Variants in NEGR1 observed in about 807,000 individuals in gnomAD.
The protein encoded by NEGR1 is neuronal growth regulator 1.
NEGR1 carries 10 observed loss-of-function variants against 40.9 expected under a neutral mutation model. That is an observed-to-expected ratio of 0.24 (90% confidence interval 0.15 to 0.42). The LOEUF (loss-of-function observed/expected upper bound fraction) is 0.42. Ranked by LOEUF, NEGR1 falls within the 10% of genes least tolerant of loss-of-function variation. The pLI is 1.00. For missense variants in NEGR1, 352 were observed against 438.9 expected (o/e 0.80, Z 1.77); for synonymous variants, 185 against 166.8 (o/e 1.11, Z -0.84).
chr1:72,221,678 A>T (rs1654015423), intron 1 of NEGR1, among the ~76,000 whole-genome samples: 1 of 152,150 alleles, frequency 6.6e-6, no homozygotes, highest in Non-Finnish European at 1.5e-5. Context: ...TTAGTTGACT[A>T]AAATCCTCAA....
At chr1:71,748,490 A>G (rs1655459318) in intron 3 of NEGR1, among the ~76,000 whole-genome samples, 2 of 152,184 alleles carry the variant, frequency 1.3e-5, no homozygotes, top group African/African-American at 4.8e-5. Flanking sequence ...CAGTTTCCAA[A>G]TAAAGGGAGA....
At chr1:71,855,698 A>G (rs1659737594) in intron 2 of NEGR1, among the ~76,000 whole-genome samples, 1 of 151,340 alleles carries the variant, frequency 6.6e-6, no homozygotes, top group Non-Finnish European at 1.5e-5. Context: ...AATTTTCATT[A>G]CACTTTTCTT....
chr1:71,626,392 T>A (rs1238217662), intron 4 of NEGR1, among the ~76,000 whole-genome samples: 1 of 126,428 alleles, frequency 7.9e-6, no homozygotes, highest in African/African-American at 3.0e-5. Context: ...CCCCGGTGTG[T>A]GATGTTCCCC....
intron 6 of NEGR1, among the ~76,000 whole-genome samples, chr1:71,409,697 T>C (rs1424426388): frequency 6.6e-6 from 1 of 152,102 alleles, no homozygotes; most frequent in African/African-American, 2.4e-5. Context: ...AGGTCATTTC[T>C]TATTCATCTT....
rs371037145 is a variant in NEGR1, at chr1:72,140,645, T to A, written c.176+141674A>T. ...AAACCATGCAAAGTAGTATGAGCAA[T>A]ATAAAAATTTTTTCTTTAGTCAGTT... On this transcript the variant is annotated intron_variant, in intron 1 of 6. Coordinates refer to ENST00000357731, the MANE Select transcript of NEGR1 (RefSeq NM_173808.3). 2.7e-4 allele frequency among the ~76,000 whole-genome samples: 41 copies of A among 152,142 alleles called. No homozygotes were observed. In the South Asian group the frequency reaches 7.5e-3, roughly 28 times the overall value.
intron 6 of NEGR1, among the ~76,000 whole-genome samples, chr1:71,441,805 A>G (rs924485738): frequency 6.6e-6 from 1 of 152,216 alleles, no homozygotes; most frequent in Admixed American, 6.5e-5. Flanking sequence ...TATCAAGAAC[A>G]CTACATGGAC....
intron 1 of NEGR1, among the ~76,000 whole-genome samples, chr1:72,077,642 A>AAATG (rs1036525628): frequency 6.6e-6 from 1 of 150,792 alleles, no homozygotes; most frequent in African/African-American, 2.4e-5. Context: ...ATAAATAAAT[A>AAATG]AATAAATAAA....
chr1:72,006,679 T>C (rs1034135826), intron 1 of NEGR1, among the ~76,000 whole-genome samples: 1 of 150,756 alleles, frequency 6.6e-6, no homozygotes, highest in Non-Finnish European at 1.5e-5. Context: ...AAAGTTCCGC[T>C]AAAAATAAGA....
At chr1:71,567,720 C>A (rs769256725) in intron 6 of NEGR1, among the ~76,000 whole-genome samples, 3 of 152,108 alleles carry the variant, frequency 2.0e-5, no homozygotes, top group Non-Finnish European at 4.4e-5. Flanking sequence ...TTGTGTCCCC[C>A]CTCCGCCTCA....
chr1:72,066,197 G>A (rs998943487), intron 1 of NEGR1, among the ~76,000 whole-genome samples: 2 of 152,058 alleles, frequency 1.3e-5, no homozygotes, highest in South Asian at 2.1e-4. Context: ...CTGAGGCATC[G>A]GAAGGTTGAG....
intron 6 of NEGR1, among the ~76,000 whole-genome samples, chr1:71,488,655 G>A (rs973788201): frequency 6.6e-6 from 1 of 151,502 alleles, no homozygotes; most frequent in Non-Finnish European, 1.5e-5. Context: ...AAATATCCTT[G>A]TCACCATGTA....
intron 1 of NEGR1, among the ~76,000 whole-genome samples, chr1:72,064,761 C>G (rs1569902760): frequency 1.3e-5 from 2 of 152,134 alleles, no homozygotes; most frequent in East Asian, 3.9e-4. Context: ...TTAAATTGTT[C>G]TTTCAGCATG....
chr1:71,802,340 C>T (rs1657592628), intron 2 of NEGR1, among the ~76,000 whole-genome samples: 2 of 152,020 alleles, frequency 1.3e-5, no homozygotes, highest in Non-Finnish European at 2.9e-5. Flanking sequence ...AAAGAGATTG[C>T]CCATGGATTT....
chr1:71,725,350 A>G (rs1654635760), intron 3 of NEGR1, among the ~76,000 whole-genome samples: 1 of 151,974 alleles, frequency 6.6e-6, no homozygotes, highest in East Asian at 1.9e-4. Context: ...GGAAAATTTT[A>G]TTGTTATAGA....
chr1:71,669,801 C>T (rs1652358928), intron 4 of NEGR1, among the ~76,000 whole-genome samples: 2 of 152,100 alleles, frequency 1.3e-5, no homozygotes, highest in South Asian at 4.2e-4. Context: ...CAGGCATGTG[C>T]CGCCATGCTC....
chr1:71,593,003 T>C lies in NEGR1; in HGVS notation c.789-35A>G, dbSNP rs151308512. 5.3e-6 allele frequency: 8 copies of C among 1,505,504 alleles called. No homozygotes were observed. In the East Asian group the frequency reaches 1.4e-4, roughly 26 times the overall value. The allele number at this position is 1,505,504 out of a possible 1,614,324, so 93.3% of individuals were successfully genotyped here. On this transcript the variant is annotated intron_variant, in intron 5 of 6. Coordinates refer to ENST00000357731, the MANE Select transcript of NEGR1 (RefSeq NM_173808.3). The stretch of plus-strand genomic sequence containing the variant: ...AAAATAAGCTCTAGGTAAATATGTA[T>C]TGTGAATACCAGTTTCATTTTTTTA...
chr1:71,968,496 A>G (rs1646229543), intron 1 of NEGR1, among the ~76,000 whole-genome samples: 1 of 152,202 alleles, frequency 6.6e-6, no homozygotes, highest in South Asian at 2.1e-4. Flanking sequence ...CAAAACACAT[A>G]AAAATCCTGT....
chr1:72,158,126 G>A (rs1390887378), intron 1 of NEGR1, among the ~76,000 whole-genome samples: 1 of 152,154 alleles, frequency 6.6e-6, no homozygotes, highest in Non-Finnish European at 1.5e-5. Flanking sequence ...CAGCATATGT[G>A]AGAAGCTCTA....
chr1:71,790,257 A>G (rs17091763), intron 2 of NEGR1, among the ~76,000 whole-genome samples: 1 of 152,094 alleles, frequency 6.6e-6, no homozygotes, highest in African/African-American at 2.4e-5. Flanking sequence ...ATTCATGTCT[A>G]TATGGAAGCA....
Sources: allele counts gnomAD v4.1 joint callset (sites outside exome capture counted in the v4.1 genomes callset), GRCh38; gene constraint gnomAD v4.1.1; transcripts MANE v1.5; gene names NCBI Gene and HGNC (gene_info 2026-07-23, HGNC 2026-07-21).